The following SPATA31G1 variants were observed in gnomAD, a reference collection of about 807,000 sequenced individuals.
The protein encoded by SPATA31G1 is SPATA31 subfamily G member 1.
the SPATA31G1 span, chr9:35,044,088 C>T: frequency 1.2e-6 from 2 of 1,613,928 alleles, no homozygotes. Context: ...AGTAATGGGC[C>T]CCCAGGGAGT....
the SPATA31G1 span, chr9:35,045,166 A>T: frequency 1.9e-6 from 3 of 1,613,826 alleles, no homozygotes; most frequent in Non-Finnish European, 2.5e-6. Flanking sequence ...TCAAGTTGTC[A>T]TCCTCAAGAA....
chr9:35,042,229 G>A, the SPATA31G1 span: 1 of 1,610,162 alleles, frequency 6.2e-7, no homozygotes. Flanking sequence ...ATGACCTCAG[G>A]GTAAACTGCC....
chr9:35,042,330 C>T, the SPATA31G1 span: 2 of 1,614,232 alleles, frequency 1.2e-6, no homozygotes, highest in African/African-American at 1.3e-5. Flanking sequence ...GACCCATGCC[C>T]TAGCCTGCAG....
chr9:35,043,280 C>G, the SPATA31G1 span: 2 of 1,614,176 alleles, frequency 1.2e-6, no homozygotes, highest in Non-Finnish European at 1.7e-6. Context: ...CAGGTGGCCC[C>G]TCTCCTCTGA....
chr9:35,042,859 AG>A, the SPATA31G1 span: 10 of 1,609,900 alleles, frequency 6.2e-6, no homozygotes, highest in African/African-American at 9.4e-5. Context: ...TCTACTTCCC[AG>A]GAACTACCAC....
chr9:35,045,181 A>T, the SPATA31G1 span: 1 of 1,614,038 alleles, frequency 6.2e-7, no homozygotes, highest in South Asian at 1.1e-5. Context: ...CAAGAAGTTC[A>T]GCGCACAGTA....
chr9:35,045,176 A>T, the SPATA31G1 span: 15 of 1,613,874 alleles, frequency 9.3e-6, no homozygotes, highest in Admixed American at 1.0e-4. Context: ...ATCCTCAAGA[A>T]GTTCAGCGCA....
At chr9:35,044,547 T>C in the SPATA31G1 span, 1 of 1,614,152 alleles carries the variant, frequency 6.2e-7, no homozygotes, top group East Asian at 2.2e-5. Context: ...TGTTCCTGTG[T>C]TCCCAGGTAG....
At chr9:35,044,140 A>C in the SPATA31G1 span, 1 of 1,614,126 alleles carries the variant, frequency 6.2e-7, no homozygotes, top group South Asian at 1.1e-5. Flanking sequence ...ATGGGGCAGA[A>C]AGAGAACCTC....
chr9:35,045,686 A>T, the SPATA31G1 span: 3 of 1,614,194 alleles, frequency 1.9e-6, no homozygotes, highest in Non-Finnish European at 1.7e-6. Flanking sequence ...AGGATCAGCC[A>T]GAGGCAGGGC....
the SPATA31G1 span, chr9:35,042,878 C>T: frequency 6.2e-7 from 1 of 1,613,896 alleles, no homozygotes; most frequent in African/African-American, 1.3e-5. Context: ...CACTTCTGCA[C>T]CGTGTGGCCT....
At chr9:35,045,494 C>T in the SPATA31G1 span, 1 of 1,614,096 alleles carries the variant, frequency 6.2e-7, no homozygotes, top group South Asian at 1.1e-5. Context: ...AAGCAGGAGA[C>T]CATAGAAGAG....
the SPATA31G1 span, chr9:35,043,115 C>T: frequency 1.4e-5 from 23 of 1,614,180 alleles, no homozygotes; most frequent in Non-Finnish European, 1.9e-5. Flanking sequence ...AGCCCGTGAG[C>T]CCTTCCAGAT....
At chr9:35,044,468 A>G in the SPATA31G1 span, 4 of 1,614,186 alleles carry the variant, frequency 2.5e-6, no homozygotes, top group Non-Finnish European at 2.5e-6. Context: ...ACCTGCATGG[A>G]GCCAGCCCTC....
At chr9:35,044,021 C>A in the SPATA31G1 span, 2 of 1,613,378 alleles carry the variant, frequency 1.2e-6, no homozygotes, top group Non-Finnish European at 1.7e-6. Context: ...ATATTTGGGT[C>A]CCTGCAGACC....
chr9:35,043,125 T>C, the SPATA31G1 span: 8 of 1,614,056 alleles, frequency 5.0e-6, no homozygotes, highest in African/African-American at 9.3e-5. Context: ...CCCTTCCAGA[T>C]CCTTCCCCAT....
chr9:35,043,776 T>C, the SPATA31G1 span: 1 of 1,613,996 alleles, frequency 6.2e-7, no homozygotes, highest in South Asian at 1.1e-5. Flanking sequence ...GGCCTCTGAG[T>C]CTTCAATGCC....
At chr9:35,042,524 C>T in the SPATA31G1 span, 3 of 1,613,476 alleles carry the variant, frequency 1.9e-6, no homozygotes, top group East Asian at 4.5e-5. Context: ...TGAATGACTG[C>T]TGACACCACA....
At chr9:35,045,649 T>C in the SPATA31G1 span, 7 of 1,614,082 alleles carry the variant, frequency 4.3e-6, no homozygotes, top group African/African-American at 2.7e-5. Flanking sequence ...CTTCCCCAGC[T>C]GCTTCTCCCC....
Sources: gnomAD v4.1 joint callset for allele counts on GRCh38, gnomAD v4.1.1 for gene constraint, MANE v1.5 for transcripts, NCBI Gene and HGNC (gene_info 2026-07-23, HGNC 2026-07-21) for gene names.